Variants in IRAK3 observed in about 807,000 individuals in gnomAD.
IRAK3 encodes the protein interleukin-1 receptor-associated kinase 3.
A neutral mutation model predicts 56.6 loss-of-function variants in IRAK3; 57 were observed. The ratio of observed to expected loss-of-function variants is 1.01; its 90% confidence interval spans 0.81 to 1.26. The LOEUF is 1.26. Ranked by LOEUF, IRAK3 falls within the 50% of genes most tolerant of loss-of-function variation. The pLI is 0.00. For synonymous variants in IRAK3, 258 were observed against 255.7 expected, an observed-to-expected ratio of 1.01 and a Z score of -0.09; for missense variants, 703 against 719.0, an observed-to-expected ratio of 0.98 and a Z score of 0.25.
Position 66,203,782 on chromosome 12 carries a change from A to G in IRAK3, c.205A>G (p.Thr69Ala), listed in dbSNP as rs146641688. 129 of 1,613,698 alleles carry G rather than the reference A, an allele frequency of 8.0e-5. No homozygotes were observed. Among genetic ancestry groups the G allele is most frequent in the Non-Finnish European group, 7.5e-5 (88 of 1,179,738 alleles). The change falls in exon 2 of 12, where the codon ACA becomes GCA. Residue 69 changes from threonine (T) to alanine (A), a missense_variant. Transcript: ENST00000261233. The stretch of plus-strand genomic sequence containing the variant: ...GTATGTAGACCAAGGTAAAAGTGGA[A>G]CAAGAGAATTACTTTGGTCCTGGGC... Reference protein sequence around the residue: ...EKYVDQGKSGTRELLWSWAQK... With the variant: ...EKYVDQGKSGARELLWSWAQK...
intron 8 of IRAK3, among the ~76,000 whole-genome samples, chr12:66,244,066 C>T (rs942220425): frequency 1.3e-5 from 2 of 152,212 alleles, no homozygotes; most frequent in Non-Finnish European, 1.5e-5. Flanking sequence ...GCTCTGCGCT[C>T]ATAAGCTAAG....
Position 66,252,061 on chromosome 12 carries a change from T to G in IRAK3, c.*3890T>G, listed in dbSNP as rs898441561. 1 of 152,200 alleles carries G rather than the reference T, an allele frequency of 6.6e-6. No individual in the cohort carries two copies. The highest frequency in any genetic ancestry group is 2.4e-5 in the African/African-American group (1 of 41,452). 9.4% of individuals were successfully genotyped at this position (152,200 alleles called of 1,614,324 possible). The stretch of plus-strand genomic sequence containing the variant: ...GCACTCAGGATGGCTATTCAAGGAA[T>G]TGGGGATCCACAGCAGCTGTGCACA... On this transcript the variant is annotated 3_prime_UTR_variant, in exon 12 of 12. Transcript: ENST00000261233.
At chr12:66,242,052 A>G (rs771406619) in intron 8 of IRAK3, among the ~76,000 whole-genome samples, 9 of 152,054 alleles carry the variant, frequency 5.9e-5, no homozygotes, top group Non-Finnish European at 1.3e-4. Context: ...GGCATTGTCA[A>G]TTATAATTCT....
chr12:66,201,534 A>G (rs2052507967), intron 1 of IRAK3, among the ~76,000 whole-genome samples: 1 of 152,234 alleles, frequency 6.6e-6, no homozygotes, highest in Non-Finnish European at 1.5e-5. Flanking sequence ...ATATTATCAT[A>G]GGAACAAGAC....
intron 8 of IRAK3, among the ~76,000 whole-genome samples, chr12:66,231,995 CAG>C (rs764479369): frequency 1.3e-5 from 2 of 152,164 alleles, no homozygotes; most frequent in African/African-American, 2.4e-5. Flanking sequence ...GTCACTATCC[CAG>C]GAACTTGTCT....
chr12:66,228,354 T>C lies in IRAK3; in HGVS notation c.871T>C (p.Cys291Arg). The C allele has an allele frequency of 6.2e-7, 1 of 1,612,398 alleles. No homozygotes were observed. The highest frequency in any genetic ancestry group is 1.7e-5 in the Admixed American group (1 of 60,022). Residue 291 changes from cysteine (C) to arginine (R), a missense_variant, in exon 8 of 12, where the codon TGT becomes CGT. Coordinates refer to ENST00000261233, the MANE Select transcript of IRAK3 (RefSeq NM_007199.3). ...LHNVQPCSVI[C>R]GSISSANILL... ...CAACGTTCAACCATGCTCGGTCATCTGTGGCAGTATATCAAGGTAAATTAT... is the reference window on the plus strand; with the variant it reads ...CAACGTTCAACCATGCTCGGTCATCCGTGGCAGTATATCAAGGTAAATTAT...
At chr12:66,217,779 T>C (rs1039407842) in intron 6 of IRAK3, among the ~76,000 whole-genome samples, 6 of 152,198 alleles carry the variant, frequency 3.9e-5, no homozygotes, top group African/African-American at 1.4e-4. Context: ...CCTGTAGAGT[T>C]CACTTGTCAT....
intron 5 of IRAK3, among the ~76,000 whole-genome samples, chr12:66,212,196 A>G (rs1477594473): frequency 6.6e-6 from 1 of 151,576 alleles, no homozygotes. Context: ...ATTTTCTTGG[A>G]TTTTTAGGAT....
At chr12:66,213,199 T>C (rs971154791) in intron 5 of IRAK3, among the ~76,000 whole-genome samples, 3 of 152,136 alleles carry the variant, frequency 2.0e-5, no homozygotes, top group East Asian at 3.8e-4. Flanking sequence ...CTCCCATTTT[T>C]AAAACCATCA....
At chr12:66,242,495 G>A (rs2052980137) in intron 8 of IRAK3, among the ~76,000 whole-genome samples, 1 of 152,230 alleles carries the variant, frequency 6.6e-6, no homozygotes, top group Admixed American at 6.5e-5. Context: ...AAGTAAGAGT[G>A]GGTGAGGAGT....
intron 5 of IRAK3, among the ~76,000 whole-genome samples, chr12:66,212,288 C>A (rs2052620443): frequency 6.6e-6 from 1 of 152,060 alleles, no homozygotes; most frequent in Non-Finnish European, 1.5e-5. Flanking sequence ...TCTTCTATCA[C>A]AACTCAGAAG....
intron 8 of IRAK3, chr12:66,234,963 C>G (rs2052886993): frequency 6.2e-7 from 1 of 1,614,090 alleles, no homozygotes; most frequent in East Asian, 2.2e-5. Context: ...GCAGGGCTGT[C>G]AAAGTCGACA....
intron 4 of IRAK3, 123 bp downstream of exon 4, chr12:66,210,324 T>A: frequency 1.5e-6 from 1 of 650,516 alleles, no homozygotes; most frequent in Non-Finnish European, 2.8e-6. Context: ...GGTATAAAAT[T>A]TCATAGATAT....
At position 66,203,750 on chromosome 12, in the gene IRAK3, T is replaced by C. The variant is rs757352158; in HGVS notation, c.173T>C (p.Ile58Thr). The change falls in exon 2 of 12, where the codon ATT becomes ACT. Residue 58 changes from isoleucine to threonine, a missense_variant. Physicochemically the swap from Ile to Thr is moderately conservative, Grantham distance 89. Coordinates refer to ENST00000261233, the MANE Select transcript of IRAK3 (RefSeq NM_007199.3). ...LSSSWLDVRH[I>T]EKYVDQGKSG... ...AGCAGCTGGCTGGATGTTCGTCATA[T>C]TGAAAAGTATGTAGACCAAGGTAAA... 1.9e-5 allele frequency: 30 copies of C among 1,614,092 alleles called. No homozygotes were observed. The East Asian group carries it at 3.6e-4, about 19-fold the overall frequency.
Position 66,250,093 on chromosome 12 carries a change from A to G in IRAK3, c.*1922A>G, listed in dbSNP as rs1244614759. ...TTACCCCTATGAAGCCACATAATCAATAATTCAGCTATAATAAACATTGCC... is the reference window on the plus strand; with the variant it reads ...TTACCCCTATGAAGCCACATAATCAGTAATTCAGCTATAATAAACATTGCC... On this transcript the variant is annotated 3_prime_UTR_variant, in exon 12 of 12. Coordinates refer to ENST00000261233, the MANE Select transcript of IRAK3 (RefSeq NM_007199.3). 2.0e-5 allele frequency: 3 copies of G among 152,248 alleles called. No homozygotes were observed. The highest frequency in any genetic ancestry group is 7.2e-5 in the African/African-American group (3 of 41,452). The allele number at this position is 152,248 out of a possible 1,614,324, so 9.4% of individuals were successfully genotyped here.
intron 8 of IRAK3, chr12:66,234,226 C>T: frequency 1.2e-6 from 2 of 1,613,840 alleles, no homozygotes; most frequent in East Asian, 4.5e-5. Flanking sequence ...ACGTTGCAGG[C>T]ATGTATGTTC....
chr12:66,208,975 G>C (rs1167110513), intron 2 of IRAK3, among the ~76,000 whole-genome samples: 1 of 150,694 alleles, frequency 6.6e-6, no homozygotes, highest in African/African-American at 2.4e-5. Flanking sequence ...GCTGAGGCAG[G>C]AGAATCACTT....
chr12:66,199,021 G>T (rs1239110802), intron 1 of IRAK3, among the ~76,000 whole-genome samples: 3 of 152,174 alleles, frequency 2.0e-5, no homozygotes, highest in Admixed American at 2.0e-4. Context: ...GCCTCCCAAA[G>T]TGCTGGGATT....
intron 8 of IRAK3, among the ~76,000 whole-genome samples, chr12:66,243,496 A>C (rs535837039): frequency 6.6e-6 from 1 of 152,316 alleles, no homozygotes; most frequent in Admixed American, 6.5e-5. Context: ...GCCCTAAGCA[A>C]AGCTGGGAAT....
Sources: allele counts gnomAD v4.1 joint callset (sites outside exome capture counted in the v4.1 genomes callset), GRCh38; gene constraint gnomAD v4.1.1; transcripts MANE v1.5; gene names NCBI Gene and HGNC (gene_info 2026-07-23, HGNC 2026-07-21).